The following TOX variants were observed in gnomAD, a reference collection of about 807,000 sequenced individuals.
The protein encoded by TOX is thymocyte selection associated high mobility group box.
In TOX, 11 loss-of-function variants were observed where a neutral mutation model predicts 53.7. The ratio of observed to expected loss-of-function variants is 0.20; its 90% CI spans 0.13 to 0.34. The LOEUF is 0.34. Among genes scored for constraint, TOX ranks in the 10% least tolerant of loss-of-function variants. TOX has a pLI of 1.00. For missense variants in TOX, 570 were observed against 664.6 expected (o/e 0.86, Z 1.56); for synonymous variants, 225 against 245.3 (o/e 0.92, Z 0.77).
intron 1 of TOX, among the ~76,000 whole-genome samples, chr8:59,031,477 T>C (rs555958640): frequency 2.0e-5 from 3 of 152,196 alleles, no homozygotes; most frequent in Middle Eastern, 3.2e-3. Flanking sequence ...AATCATTGGG[T>C]ATAAATTAGG....
intron 1 of TOX, among the ~76,000 whole-genome samples, chr8:59,053,872 T>G (rs1803838254): frequency 2.6e-5 from 4 of 152,258 alleles, no homozygotes; most frequent in Admixed American, 2.6e-4. Flanking sequence ...GCCTACTTTA[T>G]GTAAAGCAAA....
intron 4 of TOX, among the ~76,000 whole-genome samples, chr8:58,843,809 G>A (rs916785917): frequency 3.3e-5 from 5 of 152,082 alleles, no homozygotes; most frequent in African/African-American, 1.2e-4. Flanking sequence ...AATTTGTAAG[G>A]CCTACTTTTG....
chr8:58,938,296 A>C (rs765952136), intron 3 of TOX, among the ~76,000 whole-genome samples: 79 of 152,326 alleles, frequency 5.2e-4, no homozygotes, highest in Middle Eastern at 3.4e-3. Context: ...GATAATATGA[A>C]ATGTGTTTTT....
At chr8:59,032,568 G>T (rs140015703) in intron 1 of TOX, among the ~76,000 whole-genome samples, 1 of 152,170 alleles carries the variant, frequency 6.6e-6, no homozygotes, top group East Asian at 1.9e-4. Context: ...GCTAATGCCT[G>T]CCCTTTCTTT....
At chr8:59,108,586 T>G (rs1804953733) in intron 1 of TOX, among the ~76,000 whole-genome samples, 1 of 152,116 alleles carries the variant, frequency 6.6e-6, no homozygotes, top group South Asian at 2.1e-4. Context: ...CTCTTGATGA[T>G]GGAAACATAG....
intron 1 of TOX, among the ~76,000 whole-genome samples, chr8:59,081,619 C>T (rs1804409693): frequency 6.6e-6 from 1 of 152,194 alleles, no homozygotes; most frequent in Non-Finnish European, 1.5e-5. Context: ...AGTGTCTTTA[C>T]ATGATGTCTA....
intron 3 of TOX, among the ~76,000 whole-genome samples, chr8:58,896,871 G>T (rs1811657510): frequency 6.6e-6 from 1 of 152,122 alleles, no homozygotes; most frequent in South Asian, 2.1e-4. Context: ...ACAAAGAAAT[G>T]CTGAGATTTA....
chr8:58,873,957 G>GTTTTTTTT (rs1585873069), intron 3 of TOX, among the ~76,000 whole-genome samples: 5 of 43,992 alleles, frequency 1.1e-4, no homozygotes, highest in African/African-American at 9.4e-4. Flanking sequence ...ATGCCAGGAA[G>GTTTTTTTT]CTTTTTTTTT....
At chr8:59,008,188 G>A (rs945628343) in intron 1 of TOX, among the ~76,000 whole-genome samples, 6 of 152,194 alleles carry the variant, frequency 3.9e-5, no homozygotes, top group African/African-American at 1.4e-4. Context: ...CTGCCCAAAT[G>A]ATCTGTGTGT....
intron 8 of TOX, 138 bp downstream of exon 8, chr8:58,807,980 A>G: frequency 7.7e-7 from 1 of 1,300,040 alleles, no homozygotes; most frequent in East Asian, 2.4e-5. Flanking sequence ...ACTGCTTAAC[A>G]ATTTCTGGTG....
At chr8:59,034,884 T>A (rs974938617) in intron 1 of TOX, among the ~76,000 whole-genome samples, 1 of 152,114 alleles carries the variant, frequency 6.6e-6, no homozygotes, top group African/African-American at 2.4e-5. Flanking sequence ...ATGAGTATCA[T>A]CCCCATTTTA....
At chr8:58,823,412 C>G (rs1228439372) in intron 6 of TOX, among the ~76,000 whole-genome samples, 1 of 152,046 alleles carries the variant, frequency 6.6e-6, no homozygotes, top group African/African-American at 2.4e-5. Context: ...TTAGTGGAGA[C>G]AGGGTTTCAC....
chr8:58,815,829 C>A (rs1243669631), intron 6 of TOX, 105 bp from the exon 7 acceptor site: 3 of 1,273,672 alleles, frequency 2.4e-6, no homozygotes, highest in East Asian at 2.4e-5. Flanking sequence ...GGAATCCATA[C>A]CCATGACTAT....
chr8:59,017,441 G>T (rs1004678829), intron 1 of TOX, among the ~76,000 whole-genome samples: 2 of 152,154 alleles, frequency 1.3e-5, no homozygotes. Context: ...GAGGGAAACA[G>T]CTTAACAAGT....
intron 1 of TOX, among the ~76,000 whole-genome samples, chr8:59,072,044 G>C (rs1417311754): frequency 6.6e-6 from 1 of 152,136 alleles, no homozygotes; most frequent in Admixed American, 6.5e-5. Flanking sequence ...GGCTTCTTCT[G>C]ATTTTCTTAT....
rs560478337 is a variant in TOX, at chr8:58,851,158, GTCTC to G, written c.693+362_693+365del. Among the ~76,000 whole-genome samples the G allele has an allele frequency of 1.4e-3, 169 of 118,262 alleles. No homozygotes were observed. The highest frequency in any genetic ancestry group is 3.6e-3 in the Admixed American group (43 of 11,994). The allele number at this position is 118,262 out of a possible 152,430, so 77.6% of individuals were successfully genotyped here. On this transcript the variant is annotated intron_variant, in intron 4 of 8. Coordinates refer to ENST00000361421, the MANE Select transcript of TOX (RefSeq NM_014729.3). The surrounding 1 kb of genome is among the most constrained non-coding windows in gnomAD (Gnocchi z 4.4). ...CACCATACATCTCCTCTCTCTCTCT[GTCTC>G]TCTCTCTCTCTCTCTCTCTCTCTCA...
chr8:58,950,905 G>A (rs1241390787), intron 2 of TOX, among the ~76,000 whole-genome samples: 1 of 152,126 alleles, frequency 6.6e-6, no homozygotes, highest in Non-Finnish European at 1.5e-5. Flanking sequence ...AGGAATCCAG[G>A]GACAGCAAAT....
chr8:59,112,458 C>A (rs1805032438), intron 1 of TOX, among the ~76,000 whole-genome samples: 1 of 152,156 alleles, frequency 6.6e-6, no homozygotes, highest in African/African-American at 2.4e-5. Flanking sequence ...TTCATTAGGG[C>A]ATATGTAAGC....
intron 1 of TOX, among the ~76,000 whole-genome samples, chr8:59,008,080 A>G (rs985242453): frequency 6.6e-6 from 1 of 152,216 alleles, no homozygotes; most frequent in Admixed American, 6.5e-5. Flanking sequence ...ATTTTTGTAG[A>G]TTAAAATTAT....
Sources: allele counts gnomAD v4.1 joint callset (sites outside exome capture counted in the v4.1 genomes callset), GRCh38; gene constraint gnomAD v4.1.1; non-coding constraint Gnocchi (gnomAD v3.1); transcripts MANE v1.5; gene names NCBI Gene and HGNC (gene_info 2026-07-23, HGNC 2026-07-21).